OGDH: variants seen among roughly 807,000 people sequenced by gnomAD.
OGDH encodes the protein 2-oxoglutarate dehydrogenase complex component E1.
A neutral mutation model predicts 116.6 loss-of-function variants in OGDH; 38 were observed. The ratio of observed to expected loss-of-function variants is 0.33; its 90% CI spans 0.25 to 0.43. OGDH has a LOEUF of 0.43. OGDH is among the 20% of genes least tolerant of loss of function. The pLI is 1.00. For synonymous variants in OGDH, 488 were observed against 533.3 expected (o/e 0.92, Z 1.17); for missense variants, 825 against 1,357.2 (o/e 0.61, Z 6.16).
intron 14 of OGDH, 125 bp downstream of exon 14, chr7:44,696,682 C>A: frequency 7.1e-7 from 1 of 1,400,792 alleles, no homozygotes; most frequent in Non-Finnish European, 9.7e-7. Context: ...CTGCCCTGCT[C>A]AAGGCCTCTG....
chr7:44,707,402 G>A lies in OGDH; in HGVS notation c.2796+14G>A. On this transcript the variant is annotated intron_variant, in intron 21 of 22. Coordinates refer to ENST00000222673, the MANE Select transcript of OGDH (RefSeq NM_002541.4). The surrounding 1 kb of genome is among the most constrained non-coding windows in gnomAD (Gnocchi z 5.2). ...AGGATTGAGCAGGTGAGGGCAGGTGGTGCCATCAGGGTGTCCCCCCAGCGG... is the reference window on the plus strand; with the variant it reads ...AGGATTGAGCAGGTGAGGGCAGGTGATGCCATCAGGGTGTCCCCCCAGCGG... The A allele has an allele frequency of 3.7e-6, 6 of 1,613,926 alleles. No homozygotes were observed. Among genetic ancestry groups the A allele is most frequent in the Non-Finnish European group, 4.2e-6 (5 of 1,179,874 alleles).
At chr7:44,638,301 C>G (rs775576216) in intron 2 of OGDH, among the ~76,000 whole-genome samples, 1 of 152,170 alleles carries the variant, frequency 6.6e-6, no homozygotes, top group Non-Finnish European at 1.5e-5. Context: ...GTCCCTGTCA[C>G]CGCCCTGAGC....
At chr7:44,639,634 A>G (rs1370637374) in intron 2 of OGDH, among the ~76,000 whole-genome samples, 1 of 152,198 alleles carries the variant, frequency 6.6e-6, no homozygotes, top group East Asian at 1.9e-4. Context: ...CTATCACTCA[A>G]TTCAAAAACC....
chr7:44,677,298 A>C lies in OGDH; in HGVS notation c.1206+1149A>C. On this transcript the variant is annotated intron_variant, in intron 9 of 22. Transcript: ENST00000222673. The stretch of plus-strand genomic sequence containing the variant: ...AAGAAGCAAATAGCACATACACGGC[A>C]TGATAGGAAACTGGAGTTAGCCGTG... 1.3e-5 allele frequency among the ~76,000 whole-genome samples: 2 copies of C among 152,186 alleles called. 1 individual carries two copies. The highest frequency in any genetic ancestry group is 2.9e-5 in the Non-Finnish European group (2 of 68,036).
intron 2 of OGDH, among the ~76,000 whole-genome samples, chr7:44,642,802 A>G (rs902175572): frequency 1.5e-4 from 22 of 151,480 alleles, no homozygotes. Context: ...GGCGCCTGTA[A>G]TCCCAGCTAC....
intron 1 of OGDH, among the ~76,000 whole-genome samples, chr7:44,612,264 A>G (rs1021447626): frequency 6.6e-6 from 1 of 152,186 alleles, no homozygotes; most frequent in African/African-American, 2.4e-5. Context: ...CTTTGTGTCT[A>G]TCCCATCACC....
At chr7:44,665,350 T>C (rs1422214577) in intron 4 of OGDH, among the ~76,000 whole-genome samples, 2 of 138,622 alleles carry the variant, frequency 1.4e-5, no homozygotes, top group Non-Finnish European at 3.1e-5. Flanking sequence ...GCTTGGAAAA[T>C]GTAGAGTTTG....
chr7:44,619,651 T>G (rs1281637730), intron 1 of OGDH, among the ~76,000 whole-genome samples: 1 of 152,218 alleles, frequency 6.6e-6, no homozygotes, highest in Non-Finnish European at 1.5e-5. Flanking sequence ...GATGGACATT[T>G]GAGTTGTTTC....
At chr7:44,689,402 T>TC (rs1333109045) in intron 10 of OGDH, among the ~76,000 whole-genome samples, 1 of 138,564 alleles carries the variant, frequency 7.2e-6, no homozygotes, top group East Asian at 2.1e-4. Flanking sequence ...CTTTTTTTTT[T>TC]TTTTTTTTTT....
intron 3 of OGDH, among the ~76,000 whole-genome samples, chr7:44,645,729 C>T (rs955783347): frequency 6.6e-6 from 1 of 152,190 alleles, no homozygotes; most frequent in Admixed American, 6.5e-5. Context: ...CTCCCAGCAC[C>T]ACTAATGCCT....
chr7:44,679,582 A>T (rs1311789928), intron 9 of OGDH, among the ~76,000 whole-genome samples: 1 of 152,230 alleles, frequency 6.6e-6, no homozygotes, highest in Non-Finnish European at 1.5e-5. Context: ...CCGTAGGCTG[A>T]GGACACAGCA....
chr7:44,623,752 TCTC>T (rs1439275895), intron 1 of OGDH, among the ~76,000 whole-genome samples: 1 of 152,130 alleles, frequency 6.6e-6, no homozygotes, highest in Non-Finnish European at 1.5e-5. Context: ...TTCAAGCAAT[TCTC>T]CTGCCTCAGC....
At chr7:44,662,340 T>C (rs1414006741) in intron 4 of OGDH, among the ~76,000 whole-genome samples, 1 of 152,212 alleles carries the variant, frequency 6.6e-6, no homozygotes, top group Non-Finnish European at 1.5e-5. Flanking sequence ...TGGGAACCTC[T>C]ATTTCTCCTT....
At chr7:44,636,715 G>A (rs1481478446) in intron 2 of OGDH, among the ~76,000 whole-genome samples, 1 of 152,236 alleles carries the variant, frequency 6.6e-6, no homozygotes, top group Admixed American at 6.5e-5. Context: ...TTCTGAGTTT[G>A]TGGGAGCTTG....
In OGDH at chr7:44,697,544, C is replaced by T. The variant is rs1364473719; in HGVS notation, c.2179+47C>T. On this transcript the variant is annotated intron_variant, in intron 16 of 22. Transcript: ENST00000222673. The surrounding 1 kb of genome is among the most constrained non-coding windows in gnomAD (Gnocchi z 6.0). The stretch of plus-strand genomic sequence containing the variant: ...ACCAGGGCCTGTCACCCACCCACCC[C>T]CGCTGGGCCTACTGGCTGGTGTCCT... 1.2e-6 allele frequency: 2 copies of T among 1,613,548 alleles called. No homozygotes were observed. The highest frequency in any genetic ancestry group is 1.7e-6 in the Non-Finnish European group (2 of 1,179,670).
intron 18 of OGDH, 59 bp downstream of exon 18, chr7:44,698,322 G>T: frequency 6.4e-7 from 1 of 1,552,942 alleles, no homozygotes; most frequent in South Asian, 1.1e-5. Context: ...GGGAAACCTG[G>T]GGAAGAGCAA....
intron 1 of OGDH, among the ~76,000 whole-genome samples, chr7:44,616,783 G>A (rs1175693726): frequency 7.9e-5 from 10 of 127,208 alleles, no homozygotes; most frequent in Non-Finnish European, 1.5e-4. Context: ...ATGTGTATAT[G>A]CATATATATA....
At chr7:44,654,169 G>A (rs1191696286) in intron 4 of OGDH, among the ~76,000 whole-genome samples, 3 of 152,186 alleles carry the variant, frequency 2.0e-5, no homozygotes, top group African/African-American at 4.8e-5. Flanking sequence ...GTACTTTAAT[G>A]TGAGATTTAA....
At chr7:44,657,174 T>A (rs1364376246) in intron 4 of OGDH, among the ~76,000 whole-genome samples, 1 of 152,164 alleles carries the variant, frequency 6.6e-6, no homozygotes, top group Non-Finnish European at 1.5e-5. Context: ...TACACTAAAT[T>A]GATAAAGTAA....
Sources: allele counts gnomAD v4.1 joint callset (sites outside exome capture counted in the v4.1 genomes callset), GRCh38; gene constraint gnomAD v4.1.1; non-coding constraint Gnocchi (gnomAD v3.1); transcripts MANE v1.5; gene names NCBI Gene and HGNC (gene_info 2026-07-23, HGNC 2026-07-21).